Variants in RALYL observed in about 807,000 individuals in gnomAD.
The protein encoded by RALYL is RNA-binding Raly-like protein.
In RALYL, 29 loss-of-function variants were observed where a neutral mutation model predicts 35.1. The observed-to-expected ratio is 0.83, with a 90% CI of 0.61 to 1.13. RALYL has a LOEUF of 1.13. Among genes scored for constraint, RALYL ranks in the 50% most tolerant of loss-of-function variants. The pLI, the probability that RALYL is intolerant of heterozygous loss-of-function variation, is 0.00. For missense variants in RALYL, 359 were observed against 360.4 expected, an observed-to-expected ratio of 1.00 and a Z score of 0.03; for synonymous variants, 120 against 127.6, an observed-to-expected ratio of 0.94 and a Z score of 0.40.
intron 1 of RALYL, among the ~76,000 whole-genome samples, chr8:84,421,715 A>G (rs536923623): frequency 0.014 from 1,904 of 136,234 alleles, 38 homozygotes; most frequent in African/African-American, 0.05. Context: ...ATTTTGAAAT[A>G]CGTCCCATCA....
chr8:84,405,472 A>G (rs1563864051), intron 1 of RALYL, among the ~76,000 whole-genome samples: 1 of 152,134 alleles, frequency 6.6e-6, no homozygotes, highest in Non-Finnish European at 1.5e-5. Context: ...CCAGACTAAT[A>G]AAGAAGAAAA....
rs1182314090 is a variant in RALYL, at chr8:84,921,529, T to G, written c.*618T>G. On this transcript the variant is annotated 3_prime_UTR_variant, in exon 9 of 9. Coordinates refer to ENST00000521268, the MANE Select transcript of RALYL (RefSeq NM_173848.7). ...CTGTTGGTTTGATCTGTGATTAAGTTGAGCATGCTCCGCTCTACTGAACTA... is the reference window on the plus strand; with the variant it reads ...CTGTTGGTTTGATCTGTGATTAAGTGGAGCATGCTCCGCTCTACTGAACTA... 1 of 152,200 alleles carries G rather than the reference T, an allele frequency of 6.6e-6. No individual in the cohort carries two copies. The highest frequency in any genetic ancestry group is 1.5e-5 in the Non-Finnish European group (1 of 68,010). The allele number at this position is 152,200 out of a possible 1,614,324, so 9.4% of individuals were successfully genotyped here. A position where few individuals can be genotyped will look rare whatever the true frequency, so the allele number is the denominator to read the frequency against.
intron 5 of RALYL, among the ~76,000 whole-genome samples, chr8:84,855,646 G>GTATT (rs1836812396): frequency 6.6e-6 from 1 of 152,142 alleles, no homozygotes; most frequent in Non-Finnish European, 1.5e-5. Context: ...TTAAACGTAA[G>GTATT]TATTTATACT....
At chr8:84,311,106 T>G (rs1213732153) in intron 1 of RALYL, among the ~76,000 whole-genome samples, 1 of 120,054 alleles carries the variant, frequency 8.3e-6, no homozygotes, top group East Asian at 2.5e-4. Flanking sequence ...TATTAATGTA[T>G]AGTATAAATA....
At chr8:84,200,966 T>G (rs1231270489) in intron 1 of RALYL, among the ~76,000 whole-genome samples, 3 of 152,164 alleles carry the variant, frequency 2.0e-5, no homozygotes, top group African/African-American at 7.2e-5. Context: ...GAAAATTCAT[T>G]TTTTTATCCT....
intron 7 of RALYL, among the ~76,000 whole-genome samples, chr8:84,880,266 T>G (rs1256368303): frequency 1.3e-5 from 2 of 152,100 alleles, no homozygotes; most frequent in Non-Finnish European, 2.9e-5. Flanking sequence ...ATTGCAAGTT[T>G]GCTAAAGCAA....
chr8:84,426,581 G>T (rs317939), intron 1 of RALYL, among the ~76,000 whole-genome samples: 9,056 of 152,026 alleles, frequency 0.06, 306 homozygotes, highest in Middle Eastern at 0.099. Flanking sequence ...TGTAGCAAAT[G>T]ACAAGATCTT....
chr8:84,230,240 A>G (rs1056099495), intron 1 of RALYL, among the ~76,000 whole-genome samples: 1 of 152,120 alleles, frequency 6.6e-6, no homozygotes, highest in Non-Finnish European at 1.5e-5. Context: ...AGCTAATATA[A>G]TTAAGGAAAT....
At chr8:84,737,029 A>G (rs1214724824) in intron 2 of RALYL, among the ~76,000 whole-genome samples, 1 of 152,110 alleles carries the variant, frequency 6.6e-6, no homozygotes, top group Non-Finnish European at 1.5e-5. Flanking sequence ...AAAACTATGT[A>G]TTAAGCATTT....
intron 1 of RALYL, among the ~76,000 whole-genome samples, chr8:84,289,886 G>T (rs546306101): frequency 6.6e-6 from 1 of 152,038 alleles, no homozygotes; most frequent in South Asian, 2.1e-4. Flanking sequence ...TGAAACCTGG[G>T]TATTTGTTTT....
chr8:84,914,937 C>T (rs1848202013), intron 8 of RALYL, among the ~76,000 whole-genome samples: 1 of 151,952 alleles, frequency 6.6e-6, no homozygotes, highest in African/African-American at 2.4e-5. Flanking sequence ...TGCCTCACTA[C>T]AACGCTTCTT....
At chr8:84,719,671 T>C (rs1347641925) in intron 2 of RALYL, among the ~76,000 whole-genome samples, 1 of 152,118 alleles carries the variant, frequency 6.6e-6, no homozygotes, top group Non-Finnish European at 1.5e-5. Context: ...TTTTAAAAAT[T>C]GACATAAAAA....
At chr8:84,617,857 G>GT (rs910226835) in intron 2 of RALYL, among the ~76,000 whole-genome samples, 1 of 151,742 alleles carries the variant, frequency 6.6e-6, no homozygotes, top group African/African-American at 2.4e-5. Flanking sequence ...TAATCATGTG[G>GT]TTTTTGTCTT....
At chr8:84,674,807 A>G (rs1185693117) in intron 2 of RALYL, among the ~76,000 whole-genome samples, 4 of 152,166 alleles carry the variant, frequency 2.6e-5, no homozygotes, top group Non-Finnish European at 4.4e-5. Context: ...GTTATTACGC[A>G]TGAAATCCAA....
intron 1 of RALYL, among the ~76,000 whole-genome samples, chr8:84,352,837 C>G (rs993833337): frequency 6.7e-6 from 1 of 150,088 alleles, no homozygotes; most frequent in African/African-American, 2.5e-5. Context: ...GTCAGTAGAC[C>G]TAGCATTTGA....
At chr8:84,447,054 C>T (rs1003067225) in intron 1 of RALYL, among the ~76,000 whole-genome samples, 12 of 152,088 alleles carry the variant, frequency 7.9e-5, no homozygotes, top group Non-Finnish European at 1.5e-4. Context: ...CCCCTTTCCA[C>T]CCCAGGTCCC....
chr8:84,191,241 G>A (rs1007181768), intron 1 of RALYL, among the ~76,000 whole-genome samples: 10 of 151,472 alleles, frequency 6.6e-5, no homozygotes, highest in Non-Finnish European at 1.2e-4. Context: ...TAAATAGGAA[G>A]ACCAGTAGGA....
intron 2 of RALYL, among the ~76,000 whole-genome samples, chr8:84,671,285 G>T (rs1167969504): frequency 6.6e-6 from 1 of 152,156 alleles, no homozygotes; most frequent in Non-Finnish European, 1.5e-5. Context: ...GCTGTAATAG[G>T]CTGGCATTGA....
chr8:84,256,588 G>A (rs917321123), intron 1 of RALYL, among the ~76,000 whole-genome samples: 1 of 152,098 alleles, frequency 6.6e-6, no homozygotes, highest in African/African-American at 2.4e-5. Flanking sequence ...CTGTGGTAGA[G>A]CAAGTGAACT....
Sources: gnomAD v4.1 joint callset for allele counts (sites outside exome capture counted in the v4.1 genomes callset) on GRCh38, gnomAD v4.1.1 for gene constraint, MANE v1.5 for transcripts, NCBI Gene and HGNC (gene_info 2026-07-23, HGNC 2026-07-21) for gene names.